Variants in DMD observed in about 807,000 individuals in gnomAD.
The protein encoded by DMD is dystrophin.
A neutral mutation model predicts 330.1 loss-of-function variants in DMD; 63 were observed. That is an observed-to-expected ratio of 0.19 (90% CI 0.16 to 0.24). The LOEUF is 0.24. Among genes scored for constraint, DMD ranks in the 10% least tolerant of loss-of-function variants. DMD has a pLI of 1.00. For missense variants in DMD, 3,344 were observed against 2,684.1 expected (o/e 1.25, Z -5.43); for synonymous variants, 1,223 against 959.8 (o/e 1.27, Z -5.07).
rs759346277 is a variant in DMD, at chrX:31,816,794, T to TCACACACACACACACACACACA, written c.7309+3159_7309+3180dup. Among the ~76,000 whole-genome samples the TCACACACACACACACACACACA allele has an allele frequency of 2.8e-3, 242 of 85,341 alleles. 1 individual carries two copies. Among genetic ancestry groups the TCACACACACACACACACACACA allele is most frequent in the East Asian group, 0.012 (30 of 2,471 alleles). 74.1% of individuals were successfully genotyped at this position (85,341 alleles called of 115,157 possible). A position where few individuals can be genotyped will look rare whatever the true frequency, so the allele number is the denominator to read the frequency against. On this transcript the variant is annotated intron_variant, in intron 50 of 78. Transcript: ENST00000357033. ...GCCTGGGCAACAGAGCAAGATTCTGTCACACACACACACACACACACACAC... is the reference window on the plus strand; with the variant it reads ...GCCTGGGCAACAGAGCAAGATTCTGTCACACACACACACACACACACACACACACACACACACACACACACAC...
intron 63 of DMD, among the ~76,000 whole-genome samples, chrX:31,229,393 T>C (rs1367802453): frequency 1.8e-5 from 2 of 112,215 alleles, no homozygotes; most frequent in African/African-American, 6.5e-5. Context: ...TTAGTCTATC[T>C]TTCCAATGGC....
intron 44 of DMD, among the ~76,000 whole-genome samples, chrX:32,011,798 C>T (rs778805246): frequency 1.8e-5 from 2 of 111,622 alleles, no homozygotes; most frequent in Admixed American, 9.5e-5. Context: ...GATCTTTTCT[C>T]GTTTGGCTTC....
chrX:31,964,040 G>C (rs2095330274), intron 45 of DMD, among the ~76,000 whole-genome samples: 1 of 111,373 alleles, frequency 9.0e-6, no homozygotes, highest in South Asian at 3.7e-4. Context: ...TACTTCATAT[G>C]ATGCACCTCC....
At chrX:32,386,963 A>G (rs1387146019) in intron 32 of DMD, among the ~76,000 whole-genome samples, 1 of 110,633 alleles carries the variant, frequency 9.0e-6, no homozygotes, top group Non-Finnish European at 1.9e-5. Context: ...CATGGTACTT[A>G]CATATTAGTA....
At chrX:33,254,689 G>C (rs945236131) in intron 1 of DMD, among the ~76,000 whole-genome samples, 14 of 110,509 alleles carry the variant, frequency 1.3e-4, no homozygotes, top group African/African-American at 4.6e-4. Context: ...GATTGCTTTG[G>C]TAAATATATA....
chrX:33,256,095 C>G (rs755875768), intron 1 of DMD, among the ~76,000 whole-genome samples: 1 of 111,165 alleles, frequency 9.0e-6, no homozygotes, highest in South Asian at 3.6e-4. Context: ...TGTTTACAAT[C>G]AAGAAAGTCT....
At chrX:32,575,034 A>G (rs2052874545) in intron 13 of DMD, among the ~76,000 whole-genome samples, 2 of 110,437 alleles carry the variant, frequency 1.8e-5, no homozygotes, top group South Asian at 7.8e-4. Flanking sequence ...AGTAGCTGAG[A>G]TTACAGGCAT....
At chrX:32,348,364 T>A in intron 38 of DMD, 42 bp downstream of exon 38, 1 of 1,174,796 alleles carries the variant, frequency 8.5e-7, no homozygotes, top group East Asian at 3.0e-5. Context: ...AATATTTATT[T>A]CCACTCCTAG....
At chrX:32,672,642 A>C (rs919053938) in intron 9 of DMD, among the ~76,000 whole-genome samples, 2 of 110,684 alleles carry the variant, frequency 1.8e-5, no homozygotes, top group African/African-American at 6.6e-5. Context: ...ACAGTATATT[A>C]ACTGTGGAAA....
At chrX:33,206,660 T>G (rs1358466301) in intron 1 of DMD, among the ~76,000 whole-genome samples, 1 of 111,653 alleles carries the variant, frequency 9.0e-6, no homozygotes, top group East Asian at 2.8e-4. Flanking sequence ...CTCTGTGTGT[T>G]CCGTTGCCTA....
intron 43 of DMD, among the ~76,000 whole-genome samples, chrX:32,227,257 G>T (rs2097151167): frequency 1.6e-5 from 1 of 62,805 alleles, no homozygotes; most frequent in African/African-American, 6.1e-5. Flanking sequence ...TAGCTTCTAA[G>T]TCTAAGCATA....
chrX:32,813,280 A>C (rs1483197478), intron 6 of DMD, among the ~76,000 whole-genome samples: 25 of 112,018 alleles, frequency 2.2e-4, no homozygotes, highest in Non-Finnish European at 1.9e-5. Flanking sequence ...TGTAAAACTA[A>C]CCAACTATGA....
intron 44 of DMD, among the ~76,000 whole-genome samples, chrX:32,177,846 A>G (rs1293262153): frequency 9.0e-6 from 1 of 111,084 alleles, no homozygotes; most frequent in East Asian, 2.8e-4. Context: ...GATGTAAAAT[A>G]GTGGAATGAT....
intron 57 of DMD, among the ~76,000 whole-genome samples, chrX:31,485,385 G>A (rs1434741170): frequency 9.1e-6 from 1 of 110,214 alleles, no homozygotes; most frequent in African/African-American, 3.3e-5. Flanking sequence ...TAGTAGAGAC[G>A]GGGTTTCACT....
At chrX:31,413,062 G>A (rs925873007) in intron 60 of DMD, among the ~76,000 whole-genome samples, 21 of 111,785 alleles carry the variant, frequency 1.9e-4, no homozygotes, top group Non-Finnish European at 3.6e-4. Context: ...AATCTTGGTT[G>A]CCCTGCTGTC....
chrX:32,566,150 T>C (rs1168879346), intron 15 of DMD, among the ~76,000 whole-genome samples: 1 of 112,032 alleles, frequency 8.9e-6, no homozygotes, highest in Non-Finnish European at 1.9e-5. Flanking sequence ...CCTTGAAATA[T>C]TTGAAGAAAA....
In DMD at chrX:32,547,187, G is replaced by A. The variant is rs757465184; in HGVS notation, c.1993-1853C>T. Among the ~76,000 whole-genome samples, 3 of 111,380 alleles carry A rather than the reference G, an allele frequency of 2.7e-5. No homozygotes were observed. In the South Asian group the frequency reaches 1.1e-3, roughly 42 times the overall value. Reference sequence around the variant, plus strand: ...ATACAGACCAGAATGCAGAGATTCTGAAAATACCAAGCTAATTCATGCAGT... The same window carrying A: ...ATACAGACCAGAATGCAGAGATTCTAAAAATACCAAGCTAATTCATGCAGT... On this transcript the variant is annotated intron_variant, in intron 16 of 78. Coordinates refer to ENST00000357033, the MANE Select transcript of DMD (RefSeq NM_004006.3).
chrX:31,688,535 G>C (rs2082858961), intron 52 of DMD, among the ~76,000 whole-genome samples: 1 of 111,648 alleles, frequency 9.0e-6, no homozygotes. Flanking sequence ...AATTCTACCA[G>C]AGGTGCAAAG....
chrX:32,713,175 GCATTTA>G (rs961616888), intron 7 of DMD, among the ~76,000 whole-genome samples: 5 of 111,633 alleles, frequency 4.5e-5, no homozygotes, highest in African/African-American at 6.5e-5. Flanking sequence ...CTGTACTCAC[GCATTTA>G]CATTTAAACA....
Sources: allele counts gnomAD v4.1 joint callset (sites outside exome capture counted in the v4.1 genomes callset), GRCh38; gene constraint gnomAD v4.1.1; transcripts MANE v1.5; gene names NCBI Gene and HGNC (gene_info 2026-07-23, HGNC 2026-07-21).